Variants in BLK observed in about 807,000 individuals in gnomAD.
BLK encodes BLK proto-oncogene, Src family tyrosine kinase.
BLK carries 64 observed loss-of-function variants against 61.8 expected under a neutral mutation model. The ratio of observed to expected loss-of-function variants is 1.03; its 90% CI spans 0.85 to 1.27. The LOEUF is 1.27. BLK is among the 50% of genes most tolerant of loss of function. BLK has a pLI of 0.00. For missense variants in BLK, 853 were observed against 660.5 expected (o/e 1.29, Z -3.19); for synonymous variants, 351 against 272.0 (o/e 1.29, Z -2.86).
chr8:11,561,115 G>A (rs532306352), intron 10 of BLK, 187 bp from the exon 11 acceptor site: 44 of 827,268 alleles, frequency 5.3e-5, no homozygotes, highest in Middle Eastern at 2.2e-4. Context: ...ACGTTGCTGC[G>A]TTGCTGTTCT....
intron 1 of BLK, among the ~76,000 whole-genome samples, chr8:11,507,767 G>A (rs1411221200): frequency 6.6e-6 from 1 of 152,184 alleles, no homozygotes; most frequent in African/African-American, 2.4e-5. Flanking sequence ...TAGGACTGGA[G>A]GGGGAACCTG....
intron 10 of BLK, among the ~76,000 whole-genome samples, chr8:11,559,272 G>T (rs528967574): frequency 5.3e-5 from 8 of 152,014 alleles, no homozygotes; most frequent in Admixed American, 2.6e-4. Context: ...CATGCCAATG[G>T]CTCTCTAAGC....
At chr8:11,529,014 G>A (rs1172203996) in intron 1 of BLK, among the ~76,000 whole-genome samples, 1 of 152,116 alleles carries the variant, frequency 6.6e-6, no homozygotes. Flanking sequence ...CTTAGGTGAT[G>A]GGTTGATAGG....
chr8:11,533,820 A>G (rs1040628675), intron 1 of BLK, among the ~76,000 whole-genome samples: 2 of 152,266 alleles, frequency 1.3e-5, no homozygotes, highest in Non-Finnish European at 2.9e-5. Context: ...ATGCAGAAAT[A>G]TACTAATATG....
At position 11,555,836 on chromosome 8, in the gene BLK, A is replaced by G. The variant is rs1178183961; in HGVS notation, c.772+352A>G. 10 of 374,838 alleles carry G rather than the reference A, an allele frequency of 2.7e-5. No individual in the cohort carries two copies. In the Admixed American group the frequency reaches 2.9e-4, roughly 11 times the overall value. 23.2% of individuals were successfully genotyped at this position (374,838 alleles called of 1,614,324 possible). On this transcript the variant is annotated intron_variant, in intron 8 of 12. Transcript: ENST00000259089. ...CACCCAGATGGAAACAGGAGGTTAA[A>G]CGTGATGAGCCATGATGTTCCAGAG... is the stretch of plus-strand genomic sequence containing the variant.
intron 1 of BLK, among the ~76,000 whole-genome samples, chr8:11,507,686 A>G (rs1276118218): frequency 6.6e-6 from 1 of 152,198 alleles, no homozygotes; most frequent in Admixed American, 6.5e-5. Context: ...GTCAACATAC[A>G]GCTCAGTGGG....
chr8:11,517,270 T>C (rs4841548), intron 1 of BLK, among the ~76,000 whole-genome samples: 38,550 of 152,112 alleles, frequency 0.25, 5,532 homozygotes, highest in Middle Eastern at 0.36. Flanking sequence ...AAATCGGGGT[T>C]GCATGTGGAT....
intron 1 of BLK, among the ~76,000 whole-genome samples, chr8:11,542,982 G>C (rs547249017): frequency 6.6e-6 from 1 of 152,306 alleles, no homozygotes; most frequent in East Asian, 1.9e-4. Context: ...GTTATCTCCA[G>C]CCAGAGGATT....
chr8:11,542,487 G>T (rs757020333), intron 1 of BLK, among the ~76,000 whole-genome samples: 28 of 152,190 alleles, frequency 1.8e-4, no homozygotes, highest in Non-Finnish European at 3.8e-4. Context: ...CGGGCCAGTT[G>T]TTTGACCCTG....
At chr8:11,553,662 G>A in intron 6 of BLK, 1 of 173,256 alleles carries the variant, frequency 5.8e-6, no homozygotes, top group Non-Finnish European at 1.2e-5. Flanking sequence ...GGGCACAGCT[G>A]CACCCGGGCA....
At chr8:11,500,873 A>G (rs1285215007) in intron 1 of BLK, among the ~76,000 whole-genome samples, 2 of 152,046 alleles carry the variant, frequency 1.3e-5, no homozygotes, top group Non-Finnish European at 2.9e-5. Flanking sequence ...TATTCCTGCC[A>G]TTTCTGTGGT....
chr8:11,527,368 C>T (rs915977465), intron 1 of BLK, among the ~76,000 whole-genome samples: 5 of 152,164 alleles, frequency 3.3e-5, no homozygotes, highest in Admixed American at 1.3e-4. Flanking sequence ...TTTTCACCAC[C>T]CCAATAAGTT....
chr8:11,558,438 A>G (rs1015592269), intron 10 of BLK: 5 of 360,132 alleles, frequency 1.4e-5, no homozygotes, highest in South Asian at 1.0e-4. Flanking sequence ...GCCCACAAAC[A>G]TCTCCTGTAG....
chr8:11,560,862 G>A (rs1260365731), intron 10 of BLK: 4 of 461,328 alleles, frequency 8.7e-6, no homozygotes, highest in East Asian at 6.7e-5. Flanking sequence ...CTAGAGGTCA[G>A]CGACTTCCCG....
chr8:11,542,174 G>A (rs1428343002), intron 1 of BLK, among the ~76,000 whole-genome samples: 2 of 152,166 alleles, frequency 1.3e-5, no homozygotes, highest in Non-Finnish European at 2.9e-5. Context: ...AGGAAGGCTA[G>A]CATTTAATTA....
At chr8:11,537,022 G>A (rs1800160868) in intron 1 of BLK, among the ~76,000 whole-genome samples, 1 of 152,202 alleles carries the variant, frequency 6.6e-6, no homozygotes, top group Admixed American at 6.5e-5. Flanking sequence ...AATGTCTGTG[G>A]CTGAATGAAT....
chr8:11,548,615 A>C (rs566125346), intron 4 of BLK, among the ~76,000 whole-genome samples: 1 of 152,164 alleles, frequency 6.6e-6, no homozygotes, highest in Non-Finnish European at 1.5e-5. Flanking sequence ...TGGAGCTCTG[A>C]GGGTCTGATT....
chr8:11,560,798 A>T (rs2117596627), intron 10 of BLK: 1 of 451,792 alleles, frequency 2.2e-6, no homozygotes, highest in African/African-American at 2.0e-5. Context: ...TGGAGACCAC[A>T]TCCCTCATGT....
rs1310753280 is a variant in BLK, at chr8:11,561,317, G to T, written c.1045G>T (p.Ala349Ser). 4 of 1,613,680 alleles carry T rather than the reference G, an allele frequency of 2.5e-6. No homozygotes were observed. Among genetic ancestry groups the T allele is most frequent in the South Asian group, 1.1e-5 (1 of 90,872 alleles). The change falls in exon 11 of 13, where the codon GCA becomes TCA. Residue 349 changes from alanine (A) to serine (S), a missense_variant. By Grantham distance (99) the Ala-to-Ser change is moderately conservative. Coordinates refer to ENST00000259089, the MANE Select transcript of BLK (RefSeq NM_001715.3). ...DMSAQIAEGM[A>S]YIERMNSIHR... ...GTTCCCTCAGATTGCTGAAGGGATG[G>T]CATACATTGAGCGCATGAATTCCAT...
Sources: allele counts gnomAD v4.1 joint callset (sites outside exome capture counted in the v4.1 genomes callset), GRCh38; gene constraint gnomAD v4.1.1; transcripts MANE v1.5; gene names NCBI Gene and HGNC (gene_info 2026-07-23, HGNC 2026-07-21).